The following SLC15A3 variants were observed in gnomAD, a reference collection of about 807,000 sequenced individuals.
SLC15A3 encodes osteoclast transporter.
SLC15A3 carries 39 observed loss-of-function variants against 49.2 expected under a neutral mutation model. The observed-to-expected ratio is 0.79, with a 90% CI of 0.61 to 1.04. The LOEUF (loss-of-function observed/expected upper bound fraction) is 1.04, where lower values mean the gene tolerates loss of function less well. Ranked by LOEUF, SLC15A3 falls within the 50% of genes least tolerant of loss-of-function variation. The pLI is 0.00. For synonymous variants in SLC15A3, 339 were observed against 367.0 expected (o/e 0.92, Z 0.87); for missense variants, 758 against 794.8 (o/e 0.95, Z 0.56).
intron 6 of SLC15A3, among the ~76,000 whole-genome samples, chr11:60,938,769 G>C (rs918893168): frequency 6.6e-6 from 1 of 152,010 alleles, no homozygotes; most frequent in African/African-American, 2.4e-5. Flanking sequence ...TCACCTGCCC[G>C]CCTCCTCTCC....
chr11:60,951,013 G>T lies in SLC15A3; in HGVS notation c.539C>A (p.Thr180Asn), dbSNP rs1460491015. The T allele has an allele frequency of 6.7e-7, 1 of 1,489,112 alleles. No homozygotes were observed. Among genetic ancestry groups the T allele is most frequent in the African/African-American group, 1.5e-5 (1 of 68,260 alleles). 92.2% of individuals were successfully genotyped at this position (1,489,112 alleles called of 1,614,324 possible). ...ACTCACCTGGTCGGCACCGAAGGAG[G>T]TGAGGTTGCTCCGGACGGAGCTGGC... is the stretch of plus-strand genomic sequence containing the variant. ...LAASSVRSNLTSFGADQVMDL... is the reference protein window; with the variant it reads ...LAASSVRSNLNSFGADQVMDL... Residue 180 changes from threonine (T) to asparagine (N), a missense_variant, in exon 1 of 8, where the codon ACC becomes AAC. Physicochemically the swap from Thr to Asn is moderately conservative, Grantham distance 65 (BLOSUM62 0). Transcript: ENST00000227880.
In SLC15A3 at chr11:60,937,182, C is replaced by T. The variant is rs374775266; in HGVS notation, c.*37G>A. On this transcript the variant is annotated 3_prime_UTR_variant, in exon 8 of 8. Transcript: ENST00000227880. ...AGAGCTGGGACTGCTGCCGTCTGTC[C>T]GGTAGAGTGAAGCAAGGGGGCTGGA... 2.8e-5 allele frequency: 44 copies of T among 1,599,622 alleles called. No individual in the cohort carries two copies. In the Middle Eastern group the frequency reaches 6.9e-4, roughly 25 times the overall value.
intron 1 of SLC15A3, among the ~76,000 whole-genome samples, chr11:60,949,595 G>A (rs1206958688): frequency 6.6e-6 from 1 of 151,132 alleles, no homozygotes; most frequent in African/African-American, 2.4e-5. Context: ...GCTGGCCTGG[G>A]GGCATGAAGT....
chr11:60,947,694 C>T (rs998776545), intron 1 of SLC15A3: 1 of 152,142 alleles, frequency 6.6e-6, no homozygotes, highest in Non-Finnish European at 1.5e-5. Context: ...AGGCACAGCC[C>T]CAAGAGTGAG....
chr11:60,951,073 A>T lies in SLC15A3; in HGVS notation c.479T>A (p.Val160Asp). The T allele has an allele frequency of 6.7e-7, 1 of 1,486,884 alleles. No individual in the cohort carries two copies. Among genetic ancestry groups the T allele is most frequent in the East Asian group, 2.8e-5 (1 of 35,326 alleles). The allele number at this position is 1,486,884 out of a possible 1,614,324, so 92.1% of individuals were successfully genotyped here. Residue 160 changes from valine (V) to aspartate (D), a missense_variant, in exon 1 of 8, where the codon GTC (valine) becomes GAC (aspartate). By Grantham distance (152) the Val-to-Asp change is radical. Coordinates refer to ENST00000227880, the MANE Select transcript of SLC15A3 (RefSeq NM_016582.3). Reference sequence around the variant, plus strand: ...GAGTAGCAGCAGGCCCGCGTAGAGGACGGGCGCGCAGTAGGGGCTGGGCGA... The same window carrying T: ...GAGTAGCAGCAGGCCCGCGTAGAGGTCGGGCGCGCAGTAGGGGCTGGGCGA... ...RSSPSPYCAPVLYAGLLLLGL... is the reference protein window; with the variant it reads ...RSSPSPYCAPDLYAGLLLLGL...
In SLC15A3 at chr11:60,943,751, C is replaced by A; in HGVS notation, c.934G>T (p.Val312Leu). 6.2e-7 allele frequency: 1 copy of A among 1,605,990 alleles called. No individual in the cohort carries two copies. The highest frequency in any genetic ancestry group is 8.5e-7 in the Non-Finnish European group (1 of 1,175,886). ...SPQEDIANFQ[V>L]LVKILPVMVT... Reference sequence around the variant, plus strand: ...ATGACGGGCAAGATCTTCACCAGCACCTGGAAGTTGGCGATGTCCTCTTGC... The same window carrying A: ...ATGACGGGCAAGATCTTCACCAGCAACTGGAAGTTGGCGATGTCCTCTTGC... The change falls in exon 3 of 8, where the codon GTG becomes TTG. Residue 312 changes from valine (V) to leucine (L), a missense_variant. Val to Leu is a conservative substitution (Grantham distance 32). Transcript: ENST00000227880.
At chr11:60,944,989 T>C (rs939523454) in intron 2 of SLC15A3, among the ~76,000 whole-genome samples, 1 of 152,228 alleles carries the variant, frequency 6.6e-6, no homozygotes, top group Non-Finnish European at 1.5e-5. Flanking sequence ...TCCCAGCGTG[T>C]GCTGCCATTT....
intron 1 of SLC15A3, among the ~76,000 whole-genome samples, chr11:60,949,548 G>GAAAGAAAGAAAGAA (rs1554986469): frequency 8.3e-4 from 65 of 78,480 alleles, no homozygotes; most frequent in African/African-American, 1.7e-3. Context: ...AAGAAAGAAA[G>GAAAGAAAGAAAGAA]AAAGAAAGAA....
At position 60,949,564 on chromosome 11, in the gene SLC15A3, G is replaced by GAAAGAAAGAAAGAAAGAAAGA. The variant is rs1554986438; in HGVS notation, c.558+1429_558+1430insTCTTTCTTTCTTTCTTTCTTT. Reference sequence around the variant, plus strand: ...AGAAAGAAAGAAAGAAAGAAAGAAAGAAAGAAAAGAGATGGCCAGGGCTGG... The same window carrying GAAAGAAAGAAAGAAAGAAAGA: ...AGAAAGAAAGAAAGAAAGAAAGAAAGAAAGAAAGAAAGAAAGAAAGAAAAGAAAAGAGATGGCCAGGGCTGG... On this transcript the variant is annotated intron_variant, in intron 1 of 7. Transcript: ENST00000227880. Among the ~76,000 whole-genome samples, 142 of 118,006 alleles carry GAAAGAAAGAAAGAAAGAAAGA rather than the reference G, an allele frequency of 1.2e-3. 19 individuals are homozygous for GAAAGAAAGAAAGAAAGAAAGA. Among genetic ancestry groups the GAAAGAAAGAAAGAAAGAAAGA allele is most frequent in the East Asian group, 5.0e-3 (19 of 3,782 alleles). 77.4% of individuals were successfully genotyped at this position (118,006 alleles called of 152,430 possible). A position where few individuals can be genotyped will look rare whatever the true frequency, so the allele number is the denominator to read the frequency against.
At chr11:60,938,753 A>G (rs1165551061) in intron 6 of SLC15A3, among the ~76,000 whole-genome samples, 1 of 151,684 alleles carries the variant, frequency 6.6e-6, no homozygotes, top group African/African-American at 2.4e-5. Flanking sequence ...CGCTCCTCCT[A>G]CCCACTCACC....
intron 2 of SLC15A3, among the ~76,000 whole-genome samples, chr11:60,944,270 C>T (rs944172387): frequency 6.6e-5 from 10 of 152,274 alleles, no homozygotes; most frequent in African/African-American, 1.9e-4. Flanking sequence ...AGTATCAGCA[C>T]GTCTCTGAAA....
intron 7 of SLC15A3, 59 bp downstream of exon 7, chr11:60,937,811 A>G: frequency 1.9e-6 from 3 of 1,576,286 alleles, no homozygotes; most frequent in Non-Finnish European, 2.6e-6. Flanking sequence ...AGCAGTTGCC[A>G]CCTCCTTTCC....
Position 60,937,147 on chromosome 11 carries a change from G to C in SLC15A3, c.*72C>G. The C allele has an allele frequency of 6.4e-7, 1 of 1,551,892 alleles. No homozygotes were observed. The highest frequency in any genetic ancestry group is 8.7e-7 in the Non-Finnish European group (1 of 1,148,748). On this transcript the variant is annotated 3_prime_UTR_variant, in exon 8 of 8. Transcript: ENST00000227880. ...ATTTCATTCTAACAGAATAAACCGA[G>C]AAGGAAACCAGAGCTGGGACTGCTG...
rs542295176 is a variant in SLC15A3, at chr11:60,939,928, T to G, written c.1277-290A>C. 7.2e-5 allele frequency: 25 copies of G among 345,086 alleles called. No individual in the cohort carries two copies. The South Asian group carries it at 1.3e-3, about 18-fold the overall frequency. 21.4% of individuals were successfully genotyped at this position (345,086 alleles called of 1,614,324 possible). A position where few individuals can be genotyped will look rare whatever the true frequency, so the allele number is the denominator to read the frequency against. ...GTGCTAGGCATTTACCATGCATCCTTGCTGCGGAAGAAAGTGAAATAACTA... is the reference window on the plus strand; with the variant it reads ...GTGCTAGGCATTTACCATGCATCCTGGCTGCGGAAGAAAGTGAAATAACTA... On this transcript the variant is annotated intron_variant, in intron 5 of 7. Coordinates refer to ENST00000227880, the MANE Select transcript of SLC15A3 (RefSeq NM_016582.3).
At chr11:60,939,719 A>G in intron 5 of SLC15A3, 81 bp from the exon 6 acceptor site, 1 of 1,509,986 alleles carries the variant, frequency 6.6e-7, no homozygotes, top group Non-Finnish European at 9.0e-7. Flanking sequence ...CATGGTGGGG[A>G]TGGGGTACTC....
chr11:60,939,267 G>A (rs970278316), intron 6 of SLC15A3, among the ~76,000 whole-genome samples: 5 of 152,276 alleles, frequency 3.3e-5, no homozygotes, highest in East Asian at 3.9e-4. Flanking sequence ...TTTCTTGCTC[G>A]CCTCCAAATC....
chr11:60,951,654 A>C lies in SLC15A3; in HGVS notation c.-103T>G. On this transcript the variant is annotated 5_prime_UTR_variant, in exon 1 of 8. Transcript: ENST00000227880. ...GGGCCTCGGCCCTCTCCCCCACCCA[A>C]CTGGCTGGCCCTCCTTTCTCACCGC... 12 of 874,750 alleles carry C rather than the reference A, an allele frequency of 1.4e-5. No homozygotes were observed. The highest frequency in any genetic ancestry group is 1.9e-5 in the African/African-American group (1 of 51,640). 54.2% of individuals were successfully genotyped at this position (874,750 alleles called of 1,614,324 possible).
chr11:60,939,186 C>T (rs1424315270), intron 6 of SLC15A3, among the ~76,000 whole-genome samples: 2 of 152,222 alleles, frequency 1.3e-5, no homozygotes, highest in Non-Finnish European at 2.9e-5. Context: ...GTAGAGGGAA[C>T]AGCAACTTCA....
chr11:60,949,559 AGAAAG>A (rs1231095635), intron 1 of SLC15A3, among the ~76,000 whole-genome samples: 8 of 74,384 alleles, frequency 1.1e-4, no homozygotes, highest in Middle Eastern at 0.013. Context: ...AAAGAAAGAA[AGAAAG>A]AAAGAAAAGA....
Sources: allele counts gnomAD v4.1 joint callset (sites outside exome capture counted in the v4.1 genomes callset), GRCh38; gene constraint gnomAD v4.1.1; transcripts MANE v1.5; gene names NCBI Gene and HGNC (gene_info 2026-07-23, HGNC 2026-07-21).